The following RAD17 variants were observed in gnomAD, a reference collection of about 807,000 sequenced individuals.
RAD17 encodes the protein RAD17 checkpoint clamp loader component.
A neutral mutation model predicts 81.5 loss-of-function variants in RAD17; 31 were observed. The ratio of observed to expected loss-of-function variants is 0.38; its 90% CI spans 0.29 to 0.51. RAD17 has a LOEUF of 0.51. Ranked by LOEUF, RAD17 falls within the 20% of genes least tolerant of loss-of-function variation. The probability of loss-of-function intolerance (pLI) is 0.88; values close to 1 mark genes in which losing one functional copy is unlikely to be tolerated. For synonymous variants in RAD17, 261 were observed against 266.2 expected (o/e 0.98, Z 0.19); for missense variants, 681 against 781.2 (o/e 0.87, Z 1.53).
At chr5:69,380,106 C>G (rs1763757501) in intron 6 of RAD17, among the ~76,000 whole-genome samples, 2 of 152,050 alleles carry the variant, frequency 1.3e-5, no homozygotes, top group South Asian at 2.1e-4. Flanking sequence ...GTCTTGAACT[C>G]CTGACCTCAG....
chr5:69,390,540 C>T (rs1264040595), intron 12 of RAD17, among the ~76,000 whole-genome samples: 1 of 151,306 alleles, frequency 6.6e-6, no homozygotes, highest in Non-Finnish European at 1.5e-5. Flanking sequence ...ATACTCTCAA[C>T]ATCAATAGAG....
intron 6 of RAD17, among the ~76,000 whole-genome samples, chr5:69,379,756 C>T (rs2150792807): frequency 6.6e-6 from 1 of 152,278 alleles, no homozygotes; most frequent in South Asian, 2.1e-4. Flanking sequence ...TCTTCCACCT[C>T]TATGTCTTGT....
intron 16 of RAD17, among the ~76,000 whole-genome samples, 172 bp from the exon 17 acceptor site, chr5:69,399,873 TAAAA>T (rs1012706643): frequency 2.6e-5 from 4 of 152,080 alleles, no homozygotes; most frequent in Non-Finnish European, 5.9e-5. Flanking sequence ...TAAACGATGC[TAAAA>T]AAACTATAAA....
intron 6 of RAD17, among the ~76,000 whole-genome samples, chr5:69,376,988 A>G (rs1763374656): frequency 6.6e-6 from 1 of 152,114 alleles, no homozygotes; most frequent in Non-Finnish European, 1.5e-5. Context: ...TCCTGACCTC[A>G]GGTGATTTAC....
In RAD17 at chr5:69,414,371, G is replaced by A; in HGVS notation, c.*79G>A. On this transcript the variant is annotated 3_prime_UTR_variant, in exon 19 of 19. Coordinates refer to ENST00000354868, the MANE Select transcript of RAD17 (RefSeq NM_133338.3). Reference sequence around the variant, plus strand: ...AGTGGTACTTCAGCAGAGTTAATATGCTTTTCTGATGAATTACACAACAGT... The same window carrying A: ...AGTGGTACTTCAGCAGAGTTAATATACTTTTCTGATGAATTACACAACAGT... 1 of 1,431,876 alleles carries A rather than the reference G, an allele frequency of 7.0e-7. No homozygotes were observed. Among genetic ancestry groups the A allele is most frequent in the African/African-American group, 1.4e-5 (1 of 70,130 alleles). The allele number at this position is 1,431,876 out of a possible 1,614,324, so 88.7% of individuals were successfully genotyped here.
At chr5:69,386,562 G>T in intron 11 of RAD17, 97 bp downstream of exon 11, 1 of 1,265,684 alleles carries the variant, frequency 7.9e-7, no homozygotes. Context: ...TAATTTTTTA[G>T]AATTAAAACA....
chr5:69,382,335 ACTC>A, intron 7 of RAD17, among the ~76,000 whole-genome samples: 1 of 152,130 alleles, frequency 6.6e-6, no homozygotes, highest in East Asian at 1.9e-4. Context: ...AGTTCTAACT[ACTC>A]AAGGGCTGAG....
rs559909299 is a variant in RAD17 at position 69,413,160 on chromosome 5, G to T, written c.1752-871G>T. On this transcript the variant is annotated intron_variant, in intron 18 of 18. Coordinates refer to ENST00000354868, the MANE Select transcript of RAD17 (RefSeq NM_133338.3). Reference sequence around the variant, plus strand: ...AATTTGTAAAAATTCTTTACTGAAGGCTGGGTGTGGTGGCTCACACTTGTA... The same window carrying T: ...AATTTGTAAAAATTCTTTACTGAAGTCTGGGTGTGGTGGCTCACACTTGTA... 2.4e-4 allele frequency among the ~76,000 whole-genome samples: 36 copies of T among 151,970 alleles called. No homozygotes were observed. The East Asian group carries it at 2.5e-3, about 11-fold the overall frequency.
rs759272775 is a variant in RAD17 at position 69,402,209 on chromosome 5, G to A, written c.1693+2040G>A. On this transcript the variant is annotated intron_variant, in intron 17 of 18. Transcript: ENST00000354868. ...ATTACAGGCATGTGCCACAACACCC[G>A]GCTAATTTTTTTTGTATTTTTAGTA... 1.3e-4 allele frequency among the ~76,000 whole-genome samples: 20 copies of A among 150,986 alleles called. No homozygotes were observed. In the Middle Eastern group the frequency reaches 0.01, roughly 78 times the overall value.
chr5:69,393,994 A>G (rs1332701785), intron 15 of RAD17, among the ~76,000 whole-genome samples: 1 of 134,706 alleles, frequency 7.4e-6, no homozygotes, highest in Non-Finnish European at 1.5e-5. Context: ...GGTTTAGGGA[A>G]TCCTGTCCTC....
intron 7 of RAD17, among the ~76,000 whole-genome samples, chr5:69,383,389 A>AT (rs1763974939): frequency 6.7e-6 from 1 of 149,840 alleles, no homozygotes; most frequent in Non-Finnish European, 1.5e-5. Flanking sequence ...TACTATTATT[A>AT]TTATTTTTTT....
In RAD17 at chr5:69,369,856, C is replaced by A. The variant is rs946685606; in HGVS notation, c.-494C>A. ...GCTCGGCGTTGAGCCCGGGTAGGGC[C>A]AGGTGGCTGCCCTTTCACCTAGGGT... On this transcript the variant is annotated 5_prime_UTR_variant, in exon 1 of 19. Transcript: ENST00000354868. 9.6e-6 allele frequency: 7 copies of A among 728,582 alleles called. No individual in the cohort carries two copies. The highest frequency in any genetic ancestry group is 1.8e-5 in the African/African-American group (1 of 55,472). 45.1% of individuals were successfully genotyped at this position (728,582 alleles called of 1,614,324 possible).
intron 6 of RAD17, among the ~76,000 whole-genome samples, chr5:69,379,235 T>A: frequency 6.6e-6 from 1 of 151,322 alleles, no homozygotes; most frequent in Non-Finnish European, 1.5e-5. Context: ...AGACTTTGTC[T>A]CAAAAAAAAA....
intron 16 of RAD17, among the ~76,000 whole-genome samples, chr5:69,399,630 T>C (rs1765126595): frequency 6.6e-6 from 1 of 152,218 alleles, no homozygotes; most frequent in Admixed American, 6.6e-5. Context: ...ATAAATTATC[T>C]AAGACTGTTA....
intron 6 of RAD17, among the ~76,000 whole-genome samples, 185 bp downstream of exon 6, chr5:69,374,896 C>T (rs1241778383): frequency 6.6e-6 from 1 of 152,134 alleles, no homozygotes; most frequent in East Asian, 1.9e-4. Context: ...GAGGCCAAGG[C>T]AGGAGGATCA....
intron 15 of RAD17, among the ~76,000 whole-genome samples, chr5:69,394,614 C>T (rs1398762861): frequency 6.6e-6 from 1 of 151,930 alleles, no homozygotes; most frequent in Admixed American, 6.6e-5. Context: ...AATTCAGTTC[C>T]TCAGTCATAC....
intron 17 of RAD17, among the ~76,000 whole-genome samples, chr5:69,401,292 T>C (rs1031341108): frequency 2.6e-5 from 4 of 152,222 alleles, no homozygotes; most frequent in Admixed American, 2.6e-4. Context: ...TGTAAATTCT[T>C]CCAGATACTC....
intron 18 of RAD17, among the ~76,000 whole-genome samples, chr5:69,412,984 C>CAAAAAA (rs58817125): frequency 6.9e-6 from 1 of 145,016 alleles, no homozygotes; most frequent in Non-Finnish European, 1.5e-5. Flanking sequence ...AAGACTGTCT[C>CAAAAAA]AAAAAAAAAA....
Position 69,373,899 on chromosome 5 carries a change from ACAT to A in RAD17, c.83_85del (p.Ser28del). 2.5e-6 allele frequency: 4 copies of A among 1,610,008 alleles called. No individual in the cohort carries two copies. In the South Asian group the frequency reaches 4.4e-5, roughly 18 times the overall value. ...TAGTGGCGTCTCTACTATTACTGCC[ACAT>A]CATTAGGTGTGAATAACTCAAGTCA... On this transcript the variant is annotated inframe_deletion, in exon 5 of 19. Coordinates refer to ENST00000354868, the MANE Select transcript of RAD17 (RefSeq NM_133338.3).
Sources: gnomAD v4.1 joint callset for allele counts (sites outside exome capture counted in the v4.1 genomes callset) on GRCh38, gnomAD v4.1.1 for gene constraint, MANE v1.5 for transcripts, NCBI Gene and HGNC (gene_info 2026-07-23, HGNC 2026-07-21) for gene names.